The following CCDC73 variants were observed in gnomAD, a reference collection of about 807,000 sequenced individuals.
CCDC73 encodes coiled-coil domain-containing protein 73.
CCDC73 carries 95 observed loss-of-function variants against 116.5 expected under a neutral mutation model. The ratio of observed to expected loss-of-function variants is 0.82; its 90% CI spans 0.69 to 0.97. The LOEUF (loss-of-function observed/expected upper bound fraction) is 0.97, where lower values mean the gene tolerates loss of function less well. Ranked by LOEUF, CCDC73 falls within the 50% of genes least tolerant of loss-of-function variation. The pLI is 0.00. For missense variants in CCDC73, 1,066 were observed against 1,206.8 expected (o/e 0.88, Z 1.73); for synonymous variants, 398 against 401.3 (o/e 0.99, Z 0.10).
chr11:32,651,965 G>A (rs1232004433), intron 12 of CCDC73, among the ~76,000 whole-genome samples: 1 of 152,164 alleles, frequency 6.6e-6, no homozygotes, highest in African/African-American at 2.4e-5. Flanking sequence ...GGCAGTTCCT[G>A]CTCCTCCACT....
At chr11:32,699,378 A>G (rs1849788816) in intron 5 of CCDC73, 53 bp from the exon 6 acceptor site, 1 of 1,436,546 alleles carries the variant, frequency 7.0e-7, no homozygotes, top group Non-Finnish European at 9.2e-7. Context: ...AATAATACAA[A>G]GGGTAAAATA....
the CCDC73 span, among the ~76,000 whole-genome samples, chr11:32,812,734 T>C: frequency 6.7e-6 from 1 of 149,744 alleles, no homozygotes; most frequent in Non-Finnish European, 1.5e-5. Context: ...GCTACTCAGG[T>C]GGCTGAGGTG....
intron 6 of CCDC73, among the ~76,000 whole-genome samples, chr11:32,692,475 C>T (rs1044355542): frequency 2.5e-4 from 38 of 151,892 alleles, no homozygotes; most frequent in African/African-American, 8.4e-4. Context: ...TATTAAATAT[C>T]GCTTTGGTTC....
intron 1 of CCDC73, among the ~76,000 whole-genome samples, chr11:32,788,083 A>G (rs1045335002): frequency 4.6e-5 from 7 of 152,222 alleles, no homozygotes; most frequent in African/African-American, 1.7e-4. Context: ...CCAATGGCGA[A>G]GTCTTCCACA....
chr11:32,636,219 A>G (rs766256670), intron 13 of CCDC73, among the ~76,000 whole-genome samples: 1 of 152,156 alleles, frequency 6.6e-6, no homozygotes, highest in East Asian at 1.9e-4. Flanking sequence ...ATTTAAATTC[A>G]TAAAAAACAA....
rs191452483 is a variant in CCDC73 at position 32,744,693 on chromosome 11, G to A, written c.135+15416C>T. ...CTTCTAGATTTTCTAGTTTATATGC[G>A]TATAGGTGTTTATAGTATTCTCTGA... is the stretch of plus-strand genomic sequence containing the variant. On this transcript the variant is annotated intron_variant, in intron 2 of 17. Coordinates refer to ENST00000335185, the MANE Select transcript of CCDC73 (RefSeq NM_001008391.4). Among the ~76,000 whole-genome samples the A allele has an allele frequency of 3.2e-3, 480 of 152,204 alleles. 1 individual carries two copies. The highest frequency in any genetic ancestry group is 5.9e-3 in the Non-Finnish European group (402 of 67,996).
At chr11:32,711,970 G>A (rs1020913858) in intron 3 of CCDC73, among the ~76,000 whole-genome samples, 2 of 152,110 alleles carry the variant, frequency 1.3e-5, no homozygotes, top group African/African-American at 4.8e-5. Context: ...AGTATTAGCA[G>A]CTGTCAAACT....
intron 1 of CCDC73, among the ~76,000 whole-genome samples, chr11:32,781,107 C>T (rs528322356): frequency 2.2e-4 from 33 of 152,290 alleles, no homozygotes; most frequent in African/African-American, 7.9e-4. Flanking sequence ...TGCATTCCAG[C>T]CTGGGCAACA....
chr11:32,789,710 C>T (rs937117929), intron 1 of CCDC73, among the ~76,000 whole-genome samples: 1 of 152,114 alleles, frequency 6.6e-6, no homozygotes, highest in Non-Finnish European at 1.5e-5. Flanking sequence ...GAAGTCAAGG[C>T]TACAGCTAGC....
chr11:32,779,551 G>T (rs899118181), intron 1 of CCDC73, among the ~76,000 whole-genome samples: 8 of 152,182 alleles, frequency 5.3e-5, no homozygotes, highest in Non-Finnish European at 1.0e-4. Context: ...GCTATAGGCA[G>T]CTACTGGGGC....
Position 32,602,947 on chromosome 11 carries a change from G to T in CCDC73, c.3104C>A (p.Ser1035Tyr), listed in dbSNP as rs1354002018. The T allele has an allele frequency of 2.5e-6, 4 of 1,613,540 alleles. No individual in the cohort carries two copies. The highest frequency in any genetic ancestry group is 3.4e-6 in the Non-Finnish European group (4 of 1,179,742). Residue 1035 changes from serine to tyrosine, a missense_variant, in exon 18 of 18, where the codon TCT becomes TAT. By Grantham distance (144) the Ser-to-Tyr change is moderately radical (BLOSUM62 -2). Coordinates refer to ENST00000335185, the MANE Select transcript of CCDC73 (RefSeq NM_001008391.4). ...GAGGCTCTGCCAGTCATCATCACCA[G>T]AAGTATTTTTAGTCGTCTTGATTGC... ...LQAIKTTKNT[S>Y]GDDDWQSLIT...
At chr11:32,620,610 C>CAAAAAAAAAA (rs57643752) in intron 14 of CCDC73, among the ~76,000 whole-genome samples, 2 of 61,340 alleles carry the variant, frequency 3.3e-5, no homozygotes, top group African/African-American at 1.4e-4. Flanking sequence ...GACTCAGTCT[C>CAAAAAAAAAA]AAAAAAAAAA....
chr11:32,603,034 A>T lies in CCDC73; in HGVS notation c.3031-14T>A. The T allele has an allele frequency of 6.4e-7, 1 of 1,569,972 alleles. No individual in the cohort carries two copies. The highest frequency in any genetic ancestry group is 8.6e-7 in the Non-Finnish European group (1 of 1,159,542). ...CTTTGTTTTCACCTGGGAAAGATAA[A>T]CTAATTTTACCTTCGAAATTATTAT... On this transcript the variant is annotated splice_polypyrimidine_tract_variant and intron_variant, in intron 17 of 17. Coordinates refer to ENST00000335185, the MANE Select transcript of CCDC73 (RefSeq NM_001008391.4).
chr11:32,763,671 G>C (rs1396074901), intron 1 of CCDC73, among the ~76,000 whole-genome samples: 29 of 152,218 alleles, frequency 1.9e-4, no homozygotes, highest in Admixed American at 1.8e-3. Flanking sequence ...GAAAAAAACA[G>C]AGAAGAAAAG....
intron 9 of CCDC73, among the ~76,000 whole-genome samples, chr11:32,657,605 C>T (rs901320314): frequency 2.0e-5 from 3 of 152,050 alleles, no homozygotes; most frequent in Admixed American, 1.3e-4. Context: ...TGCCTTCTGG[C>T]TCCTGATTGG....
intron 14 of CCDC73, among the ~76,000 whole-genome samples, chr11:32,624,670 C>T (rs944771208): frequency 6.6e-6 from 1 of 152,200 alleles, no homozygotes; most frequent in Non-Finnish European, 1.5e-5. Flanking sequence ...AATTCCATTA[C>T]TAGGTATATA....
chr11:32,653,269 T>C (rs371320243), intron 11 of CCDC73, 42 bp from the exon 12 acceptor site: 4 of 1,251,210 alleles, frequency 3.2e-6, no homozygotes, highest in Admixed American at 1.9e-5. Flanking sequence ...AGTTTTAAGA[T>C]AGGTATGTTT....
chr11:32,776,185 A>G (rs1413198466), intron 1 of CCDC73, among the ~76,000 whole-genome samples: 1 of 151,724 alleles, frequency 6.6e-6, no homozygotes, highest in Non-Finnish European at 1.5e-5. Context: ...CTGCATCACT[A>G]CTCCTACTGC....
intron 1 of CCDC73, among the ~76,000 whole-genome samples, chr11:32,777,098 T>G (rs986319365): frequency 7.2e-6 from 1 of 139,234 alleles, no homozygotes; most frequent in Admixed American, 7.1e-5. Context: ...TTTTTTTCTT[T>G]CTTTTTTTTT....
Sources: gnomAD v4.1 joint callset for allele counts (sites outside exome capture counted in the v4.1 genomes callset) on GRCh38, gnomAD v4.1.1 for gene constraint, MANE v1.5 for transcripts, NCBI Gene and HGNC (gene_info 2026-07-23, HGNC 2026-07-21) for gene names.